ELL2: variants seen among roughly 807,000 people sequenced by gnomAD.
ELL2 encodes RNA polymerase II elongation factor ELL2.
ELL2 carries 21 observed loss-of-function variants against 72.8 expected under a neutral mutation model. The ratio of observed to expected loss-of-function variants is 0.29; its 90% CI spans 0.20 to 0.42. The LOEUF (loss-of-function observed/expected upper bound fraction) is 0.42, where lower values mean the gene tolerates loss of function less well. ELL2 is among the 10% of genes least tolerant of loss of function. The probability of loss-of-function intolerance (pLI) is 1.00; values close to 1 mark genes in which losing one functional copy is unlikely to be tolerated. For missense variants in ELL2, 568 were observed against 772.8 expected (o/e 0.73, Z 3.14); for synonymous variants, 266 against 283.2 (o/e 0.94, Z 0.61).
chr5:95,938,715 T>G (rs985292428), intron 2 of ELL2, among the ~76,000 whole-genome samples: 5 of 152,248 alleles, frequency 3.3e-5, no homozygotes, highest in African/African-American at 1.2e-4. Context: ...AGACCTTGTC[T>G]CAAAAAATAA....
chr5:95,961,328 G>C (rs996710010), intron 1 of ELL2, among the ~76,000 whole-genome samples: 1 of 151,788 alleles, frequency 6.6e-6, no homozygotes, highest in Non-Finnish European at 1.5e-5. Flanking sequence ...CAGCGCAGCC[G>C]ACCCAGGGCT....
chr5:95,897,683 A>G (rs151315786), intron 8 of ELL2, among the ~76,000 whole-genome samples: 1 of 152,360 alleles, frequency 6.6e-6, no homozygotes, highest in East Asian at 1.9e-4. Flanking sequence ...AGATCTATTA[A>G]GCGAACGCTA....
chr5:95,924,039 TGA>T (rs1190618005), intron 2 of ELL2, among the ~76,000 whole-genome samples: 1 of 152,010 alleles, frequency 6.6e-6, no homozygotes, highest in African/African-American at 2.4e-5. Context: ...GGCAGGTTGG[TGA>T]GAGGGAAGCT....
chr5:95,948,428 T>TCAAAAAAA (rs1751255038), intron 1 of ELL2, among the ~76,000 whole-genome samples: 1 of 18,260 alleles, frequency 5.5e-5, no homozygotes, highest in Non-Finnish European at 8.1e-5. Context: ...AGACTCCGCC[T>TCAAAAAAA]CAAAAAAAAA....
At chr5:95,948,288 G>T (rs751298502) in intron 1 of ELL2, among the ~76,000 whole-genome samples, 1 of 151,914 alleles carries the variant, frequency 6.6e-6, no homozygotes, top group East Asian at 1.9e-4. Flanking sequence ...AAAATTAGCC[G>T]GGTGTGGTGT....
At chr5:95,939,898 G>A (rs1373137278) in intron 2 of ELL2, among the ~76,000 whole-genome samples, 2 of 152,052 alleles carry the variant, frequency 1.3e-5, no homozygotes, top group Admixed American at 6.5e-5. Context: ...TGAACGTACC[G>A]GCTACCATTT....
At chr5:95,889,486 C>T (rs1455623019) in intron 10 of ELL2, among the ~76,000 whole-genome samples, 1 of 151,970 alleles carries the variant, frequency 6.6e-6, no homozygotes, top group Non-Finnish European at 1.5e-5. Flanking sequence ...GTTTTATGTA[C>T]CAATATAAAA....
At chr5:95,896,701 A>C (rs1748890190) in intron 8 of ELL2, among the ~76,000 whole-genome samples, 1 of 152,214 alleles carries the variant, frequency 6.6e-6, no homozygotes, top group African/African-American at 2.4e-5. Flanking sequence ...AATTCCAAAA[A>C]ATGCAGGGGA....
At chr5:95,956,636 T>C (rs1751637937) in intron 1 of ELL2, among the ~76,000 whole-genome samples, 1 of 151,866 alleles carries the variant, frequency 6.6e-6, no homozygotes, top group Non-Finnish European at 1.5e-5. Context: ...AAAAGCAGAG[T>C]ATGAGTCTTT....
At chr5:95,947,603 T>C (rs555758292) in intron 1 of ELL2, among the ~76,000 whole-genome samples, 15 of 152,302 alleles carry the variant, frequency 9.8e-5, no homozygotes, top group African/African-American at 2.9e-4. Context: ...CTCTAAGAGG[T>C]AGAGTACATC....
chr5:95,941,303 C>T (rs574380708), intron 2 of ELL2, among the ~76,000 whole-genome samples: 1 of 152,218 alleles, frequency 6.6e-6, no homozygotes, highest in East Asian at 1.9e-4. Flanking sequence ...GTAGAGCAGG[C>T]AAAGATAAAC....
At chr5:95,926,724 T>C (rs947635050) in intron 2 of ELL2, among the ~76,000 whole-genome samples, 1 of 152,196 alleles carries the variant, frequency 6.6e-6, no homozygotes, top group Non-Finnish European at 1.5e-5. Context: ...TACAGTCTTA[T>C]TAGAAAAATA....
intron 9 of ELL2, among the ~76,000 whole-genome samples, chr5:95,891,887 G>A (rs1452900798): frequency 6.6e-6 from 1 of 152,190 alleles, no homozygotes; most frequent in East Asian, 1.9e-4. Flanking sequence ...CAACCATTCT[G>A]TAAAATGAGG....
chr5:95,890,280 C>T (rs1580474586), intron 10 of ELL2, among the ~76,000 whole-genome samples: 1 of 152,192 alleles, frequency 6.6e-6, no homozygotes. Context: ...TAGTAGAAGA[C>T]ATAATGAATC....
Position 95,961,820 on chromosome 5 carries a change from G to A in ELL2, c.-99C>T. ...TTCTGCAGCCGCCGCCACTGCTAGG[G>A]CCATCCCGCTGCTGACGTACTGTCA... On this transcript the variant is annotated 5_prime_UTR_variant, in exon 1 of 12. Coordinates refer to ENST00000237853, the MANE Select transcript of ELL2 (RefSeq NM_012081.6). 7.1e-7 allele frequency: 1 copy of A among 1,416,244 alleles called. No homozygotes were observed. The highest frequency in any genetic ancestry group is 2.7e-5 in the East Asian group (1 of 37,210). The allele number at this position is 1,416,244 out of a possible 1,614,324, so 87.7% of individuals were successfully genotyped here.
rs752998512 is a variant in ELL2 at position 95,906,578 on chromosome 5, T to C, written c.686A>G (p.Gln229Arg). The C allele has an allele frequency of 1.2e-6, 2 of 1,614,104 alleles. No individual in the cohort carries two copies. The highest frequency in any genetic ancestry group is 2.2e-5 in the East Asian group (1 of 44,886). ...GTCTTTTTGATTGACACCATCTTTC[T>C]GGAGTCTAGCAAGTAGCTCCGGTTT... is the stretch of plus-strand genomic sequence containing the variant. ...YKKPELLARL[Q>R]KDGVNQKDKN... Residue 229 changes from glutamine to arginine, a missense_variant, in exon 5 of 12, where the codon CAG becomes CGG. Physicochemically the swap from Gln to Arg is conservative, Grantham distance 43 (BLOSUM62 1). Transcript: ENST00000237853.
intron 1 of ELL2, among the ~76,000 whole-genome samples, chr5:95,956,095 T>C (rs190482605): frequency 1.1e-4 from 16 of 152,320 alleles, no homozygotes; most frequent in Non-Finnish European, 1.0e-4. Context: ...AGCTTTTCTG[T>C]AAGTCATTCC....
At chr5:95,897,825 GC>G (rs1343856443) in intron 8 of ELL2, among the ~76,000 whole-genome samples, 1 of 152,154 alleles carries the variant, frequency 6.6e-6, no homozygotes, top group East Asian at 1.9e-4. Context: ...ATTAATTGAA[GC>G]AAGGGTGACC....
At chr5:95,916,951 A>G (rs568920524) in intron 3 of ELL2, among the ~76,000 whole-genome samples, 1 of 152,234 alleles carries the variant, frequency 6.6e-6, no homozygotes, top group Non-Finnish European at 1.5e-5. Context: ...ACTGCCCCTC[A>G]TGCGAAGTCA....
Sources: gnomAD v4.1 joint callset for allele counts (sites outside exome capture counted in the v4.1 genomes callset) on GRCh38, gnomAD v4.1.1 for gene constraint, MANE v1.5 for transcripts, NCBI Gene and HGNC (gene_info 2026-07-23, HGNC 2026-07-21) for gene names.